MED13: variants seen among roughly 807,000 people sequenced by gnomAD.
The protein encoded by MED13 is mediator of RNA polymerase II transcription subunit 13.
In MED13, 23 loss-of-function variants were observed where a neutral mutation model predicts 225.2. That is an observed-to-expected ratio of 0.10 (90% CI 0.07 to 0.14). MED13 has a LOEUF of 0.14. MED13 is among the 10% of genes least tolerant of loss of function. The probability of loss-of-function intolerance (pLI) is 1.00; values close to 1 mark genes in which losing one functional copy is unlikely to be tolerated. For synonymous variants in MED13, 942 were observed against 889.2 expected, an observed-to-expected ratio of 1.06 and a Z score of -1.06; for missense variants, 2,197 against 2,594.5, an observed-to-expected ratio of 0.85 and a Z score of 3.33.
chr17:62,052,447 A>T, intron 3 of MED13, 90 bp downstream of exon 3: 1 of 979,640 alleles, frequency 1.0e-6, no homozygotes, highest in East Asian at 2.6e-5. Flanking sequence ...ATATGTCTGT[A>T]TATTAGCTTG....
At chr17:62,051,648 A>G (rs1276765487) in intron 3 of MED13, among the ~76,000 whole-genome samples, 1 of 152,146 alleles carries the variant, frequency 6.6e-6, no homozygotes, top group African/African-American at 2.4e-5. Context: ...ACAAACAAAC[A>G]AAAACTCCAG....
chr17:62,065,143 G>A lies in MED13; in HGVS notation c.63C>T (p.Cys21=), dbSNP rs764408205. 6 of 1,572,052 alleles carry A rather than the reference G, an allele frequency of 3.8e-6. No individual in the cohort carries two copies. The Admixed American group carries it at 5.4e-5, about 14-fold the overall frequency. The change falls in exon 1 of 30, where the codon TGC becomes TGT. Residue 21 remains cysteine, a synonymous_variant. Transcript: ENST00000397786. ...SLEDCHCNLF[C]LADLTGIKWK... is the part of the protein sequence containing the mutation. ...GCCCGCCGGCCCCGGCACTCACCAG[G>A]CAGAAGAGGTTACAGTGACAATCTT...
In MED13 at chr17:61,960,950, A is replaced by T. The variant is rs192525280; in HGVS notation, c.5397T>A (p.Asp1799Glu). 17 of 1,613,950 alleles carry T rather than the reference A, an allele frequency of 1.1e-5. No individual in the cohort carries two copies. In the African/African-American group the frequency reaches 2.1e-4, roughly 20 times the overall value. The change falls in exon 23 of 30, where the codon GAT (aspartate) becomes GAA (glutamate). Residue 1799 changes from aspartate (D) to glutamate (E), a missense_variant. Transcript: ENST00000397786. ...VLFVGYCLSH[D>E]QRWILASCTD... ...TGCAAGATGCAAGAATCCACCTTTG[A>T]TCATGTGATAAACAGTATCCCACAA...
At chr17:62,016,546 A>G (rs1764394199) in intron 8 of MED13, among the ~76,000 whole-genome samples, 1 of 152,234 alleles carries the variant, frequency 6.6e-6, no homozygotes, top group Admixed American at 6.5e-5. Flanking sequence ...CACAAGTTAC[A>G]TGTAGCTATT....
chr17:61,983,141 C>A, intron 15 of MED13, 27 bp from the exon 16 acceptor site: 1 of 1,504,300 alleles, frequency 6.6e-7, no homozygotes, highest in Non-Finnish European at 9.0e-7. Context: ...AAAAGAAGAT[C>A]AAATATATAT....
chr17:61,984,915 C>G, intron 13 of MED13, 50 bp from the exon 14 acceptor site: 4 of 1,593,206 alleles, frequency 2.5e-6, no homozygotes, highest in Non-Finnish European at 3.4e-6. Flanking sequence ...ATAGGCGAAT[C>G]TGTGTTTAAA....
chr17:62,011,971 CT>C (rs1187022940), intron 8 of MED13, among the ~76,000 whole-genome samples: 4 of 152,124 alleles, frequency 2.6e-5, no homozygotes, highest in African/African-American at 9.7e-5. Context: ...AATCCCAGCA[CT>C]TTGGGAGGAT....
chr17:62,048,009 T>C (rs1369579086), intron 3 of MED13, among the ~76,000 whole-genome samples: 1 of 143,656 alleles, frequency 7.0e-6, no homozygotes, highest in East Asian at 2.0e-4. Context: ...AAGGTACTGG[T>C]ATATATACAT....
intron 8 of MED13, among the ~76,000 whole-genome samples, chr17:62,013,849 G>T (rs969640588): frequency 2.6e-5 from 4 of 152,046 alleles, no homozygotes; most frequent in African/African-American, 9.7e-5. Flanking sequence ...GACCAGCCTG[G>T]CCAACATGGT....
At chr17:61,993,374 G>C (rs983532451) in intron 10 of MED13, among the ~76,000 whole-genome samples, 8 of 150,672 alleles carry the variant, frequency 5.3e-5, no homozygotes, top group African/African-American at 1.5e-4. Flanking sequence ...GCTAATTTTT[G>C]TATTTTTAGC....
At chr17:62,008,317 C>CAAAAAAAAAAAAAAAAAAAAAAAAA (rs766909961) in intron 9 of MED13, among the ~76,000 whole-genome samples, 2 of 33,208 alleles carry the variant, frequency 6.0e-5, no homozygotes, top group African/African-American at 1.1e-4. Context: ...GGCTCTGTCT[C>CAAAAAAAAAAAAAAAAAAAAAAAAA]AAAAAAAAAA....
At chr17:61,993,088 A>G (rs560663611) in intron 10 of MED13, among the ~76,000 whole-genome samples, 1 of 152,056 alleles carries the variant, frequency 6.6e-6, no homozygotes, top group African/African-American at 2.4e-5. Flanking sequence ...TCTTATAGAC[A>G]AAAGTAGAGA....
intron 12 of MED13, among the ~76,000 whole-genome samples, chr17:61,985,647 G>A (rs1228960926): frequency 6.6e-6 from 1 of 152,038 alleles, no homozygotes; most frequent in African/African-American, 2.4e-5. Flanking sequence ...CTCCAGCATG[G>A]GCAATACAAT....
intron 23 of MED13, among the ~76,000 whole-genome samples, chr17:61,959,291 G>A (rs1156473219): frequency 6.6e-6 from 1 of 152,002 alleles, no homozygotes; most frequent in Non-Finnish European, 1.5e-5. Context: ...TGAGATTAGA[G>A]GCATGAGTCA....
intron 3 of MED13, chr17:62,037,055 C>T (rs1256756600): frequency 1.3e-5 from 2 of 152,136 alleles, no homozygotes; most frequent in South Asian, 2.1e-4. Context: ...AGTTCAAGAC[C>T]AGCATGGCCA....
intron 9 of MED13, among the ~76,000 whole-genome samples, chr17:61,996,402 G>A (rs1413078456): frequency 6.6e-6 from 1 of 152,128 alleles, no homozygotes; most frequent in African/African-American, 2.4e-5. Flanking sequence ...CCAGAATCTT[G>A]CAATGACTAT....
chr17:62,020,171 T>C (rs572017406), intron 8 of MED13, among the ~76,000 whole-genome samples: 3 of 152,086 alleles, frequency 2.0e-5, no homozygotes, highest in African/African-American at 4.8e-5. Flanking sequence ...ATGTTAGGTA[T>C]GCAGTACTTT....
chr17:61,984,943 C>T, intron 13 of MED13, 57 bp downstream of exon 13: 1 of 1,597,710 alleles, frequency 6.3e-7, no homozygotes, highest in Non-Finnish European at 8.6e-7. Context: ...GAGTGGGGAG[C>T]TTTGTTGAGA....
At chr17:61,949,431 T>C (rs1299469258) in intron 28 of MED13, among the ~76,000 whole-genome samples, 1 of 152,154 alleles carries the variant, frequency 6.6e-6, no homozygotes, top group Non-Finnish European at 1.5e-5. Flanking sequence ...TTCACTATGT[T>C]GTCCAGGCTG....
Sources: gnomAD v4.1 joint callset for allele counts (sites outside exome capture counted in the v4.1 genomes callset) on GRCh38, gnomAD v4.1.1 for gene constraint, MANE v1.5 for transcripts, NCBI Gene and HGNC (gene_info 2026-07-23, HGNC 2026-07-21) for gene names.